The following CTH variants were observed in gnomAD, a reference collection of about 807,000 sequenced individuals.
CTH encodes cystathionine gamma-lyase.
A neutral mutation model predicts 50.6 loss-of-function variants in CTH; 41 were observed. The ratio of observed to expected loss-of-function variants is 0.81; its 90% confidence interval spans 0.63 to 1.05. The LOEUF is 1.05. Ranked by LOEUF, CTH falls within the 50% of genes least tolerant of loss-of-function variation. The pLI is 0.00. For missense variants in CTH, 470 were observed against 492.6 expected, an observed-to-expected ratio of 0.95 and a Z score of 0.43; for synonymous variants, 156 against 168.9, an observed-to-expected ratio of 0.92 and a Z score of 0.59.
At chr1:70,431,088 G>T (rs1160180697) in intron 7 of CTH, 2 of 152,040 alleles carry the variant, frequency 1.3e-5, no homozygotes, top group Non-Finnish European at 2.9e-5. Flanking sequence ...TGAGGCAGGA[G>T]GATTACCTGA....
At chr1:70,423,921 T>C (rs760808995) in intron 4 of CTH, among the ~76,000 whole-genome samples, 8 of 152,250 alleles carry the variant, frequency 5.3e-5, no homozygotes, top group Non-Finnish European at 1.2e-4. Context: ...ATCTATGTTA[T>C]TCATCTCTGA....
chr1:70,413,255 C>CT (rs1449641930), intron 1 of CTH, among the ~76,000 whole-genome samples: 5 of 147,964 alleles, frequency 3.4e-5, no homozygotes, highest in African/African-American at 1.3e-4. Context: ...CTCTTTCTTT[C>CT]TTTCTTTTTT....
chr1:70,430,368 A>T lies in CTH; in HGVS notation c.698A>T (p.His233Leu). Residue 233 changes from histidine to leucine, a missense_variant, in exon 7 of 12, where the codon CAT becomes CTT. By Grantham distance (99) the His-to-Leu change is moderately conservative. Transcript: ENST00000370938. The part of the protein sequence containing the change: ...GLVSVNCESL[H>L]NRLRFLQNSL... ...GTGTCTGTTAATTGTGAAAGCCTTC[A>T]TAATAGACTTCGTTTCTTGCAAAAC... 30 of 1,593,768 alleles carry T rather than the reference A, an allele frequency of 1.9e-5. No homozygotes were observed. The highest frequency in any genetic ancestry group is 2.5e-5 in the Non-Finnish European group (29 of 1,161,572).
chr1:70,411,324 T>C lies in CTH; in HGVS notation c.-92T>C, dbSNP rs548457503. The C allele has an allele frequency of 6.0e-6, 8 of 1,336,418 alleles. No homozygotes were observed. The highest frequency in any genetic ancestry group is 2.3e-5 in the East Asian group (1 of 43,540). The allele number at this position is 1,336,418 out of a possible 1,614,324, so 82.8% of individuals were successfully genotyped here. A position where few individuals can be genotyped will look rare whatever the true frequency, so the allele number is the denominator to read the frequency against. The stretch of plus-strand genomic sequence containing the variant: ...CTGCGTGCTTTAGCTCCTTCTCGCC[T>C]GATCCTTCTGTCTCTCCCAACCCCG... On this transcript the variant is annotated 5_prime_UTR_variant, in exon 1 of 12. Coordinates refer to ENST00000370938, the MANE Select transcript of CTH (RefSeq NM_001902.6).
At chr1:70,423,155 C>A (rs1684265259) in intron 4 of CTH, among the ~76,000 whole-genome samples, 3 of 151,834 alleles carry the variant, frequency 2.0e-5, no homozygotes, top group Admixed American at 1.3e-4. Context: ...TTTATAGATT[C>A]TTTAAATAAT....
At chr1:70,411,648 G>C in intron 1 of CTH, 65 bp downstream of exon 1, 1 of 1,571,006 alleles carries the variant, frequency 6.4e-7, no homozygotes, top group Non-Finnish European at 8.6e-7. Flanking sequence ...TTATGAATTT[G>C]AAAGGCATGT....
chr1:70,419,978 C>T (rs1684177556), intron 3 of CTH, among the ~76,000 whole-genome samples: 1 of 151,306 alleles, frequency 6.6e-6, no homozygotes, highest in Admixed American at 6.6e-5. Context: ...ACCTTTTTGG[C>T]ACCAGGGACC....
At chr1:70,437,252 C>T (rs1339373667) in intron 10 of CTH, among the ~76,000 whole-genome samples, 1 of 152,182 alleles carries the variant, frequency 6.6e-6, no homozygotes, top group Non-Finnish European at 1.5e-5. Flanking sequence ...TTCGTTCATA[C>T]TAAGTACCCA....
Position 70,411,669 on chromosome 1 carries a change from T to A in CTH, c.168+86T>A, listed in dbSNP as rs1572247504. 2.6e-6 allele frequency: 4 copies of A among 1,531,266 alleles called. No homozygotes were observed. The East Asian group carries it at 9.2e-5, about 35-fold the overall frequency. 94.9% of individuals were successfully genotyped at this position (1,531,266 alleles called of 1,614,324 possible). Reference sequence around the variant, plus strand: ...ATTTGAAAGGCATGTAAGTAATTTATAATATGACTTATAAATTAGGAAGGC... The same window carrying A: ...ATTTGAAAGGCATGTAAGTAATTTAAAATATGACTTATAAATTAGGAAGGC... On this transcript the variant is annotated intron_variant, in intron 1 of 11. Coordinates refer to ENST00000370938, the MANE Select transcript of CTH (RefSeq NM_001902.6).
At chr1:70,436,668 TAAA>T (rs35782843) in intron 10 of CTH, among the ~76,000 whole-genome samples, 3 of 143,714 alleles carry the variant, frequency 2.1e-5, no homozygotes, top group Non-Finnish European at 1.5e-5. Flanking sequence ...CTCACCAAGT[TAAA>T]AAAAAAAAAA....
chr1:70,430,530 G>T (rs1684442143), intron 7 of CTH, 136 bp downstream of exon 7: 5 of 575,950 alleles, frequency 8.7e-6, no homozygotes, highest in South Asian at 2.2e-5. Context: ...GAAAAATTCT[G>T]ATTTTTTTTA....
intron 4 of CTH, among the ~76,000 whole-genome samples, chr1:70,422,666 C>CA (rs1553126692): frequency 6.9e-6 from 1 of 144,622 alleles, no homozygotes; most frequent in Non-Finnish European, 1.5e-5. Flanking sequence ...GGCTGTAGTG[C>CA]AATGGCGCAA....
intron 3 of CTH, among the ~76,000 whole-genome samples, chr1:70,420,303 G>T (rs1684186579): frequency 6.6e-6 from 1 of 152,088 alleles, no homozygotes; most frequent in Non-Finnish European, 1.5e-5. Flanking sequence ...TCAGGGACTG[G>T]TTTTGTAGAA....
chr1:70,413,746 T>A (rs1204518331), intron 1 of CTH, among the ~76,000 whole-genome samples: 2 of 148,568 alleles, frequency 1.3e-5, no homozygotes, highest in African/African-American at 5.0e-5. Context: ...TATCTTTTTT[T>A]TTTTTTTTTT....
intron 11 of CTH, 30 bp downstream of exon 11, chr1:70,438,856 G>GTGTGTGTGTGTGTT: frequency 6.2e-7 from 1 of 1,612,278 alleles, no homozygotes; most frequent in South Asian, 1.1e-5. Context: ...GTGTGTGTGT[G>GTGTGTGTGTGTGTT]TGTGTGTGTG....
chr1:70,419,102 G>T (rs1684157907), intron 3 of CTH, among the ~76,000 whole-genome samples: 1 of 150,796 alleles, frequency 6.6e-6, no homozygotes, highest in African/African-American at 2.4e-5. Flanking sequence ...GTGATAGTTT[G>T]CTGAGAATGA....
intron 3 of CTH, among the ~76,000 whole-genome samples, chr1:70,418,480 G>A (rs1274826431): frequency 6.6e-6 from 1 of 152,118 alleles, no homozygotes; most frequent in Non-Finnish European, 1.5e-5. Flanking sequence ...GAACTCCTGA[G>A]CTCAAGTGAT....
intron 8 of CTH, 110 bp from the exon 9 acceptor site, chr1:70,433,718 T>C: frequency 1.3e-6 from 2 of 1,517,392 alleles, no homozygotes; most frequent in Non-Finnish European, 1.8e-6. Context: ...GGCATAATCC[T>C]CGTCTTAGGC....
At chr1:70,422,300 T>G (rs1313036874) in intron 4 of CTH, among the ~76,000 whole-genome samples, 1 of 152,098 alleles carries the variant, frequency 6.6e-6, no homozygotes, top group Non-Finnish European at 1.5e-5. Flanking sequence ...CGGAAGGTGT[T>G]TTGTGTCTGA....
Sources: gnomAD v4.1 joint callset for allele counts (sites outside exome capture counted in the v4.1 genomes callset) on GRCh38, gnomAD v4.1.1 for gene constraint, MANE v1.5 for transcripts, NCBI Gene and HGNC (gene_info 2026-07-23, HGNC 2026-07-21) for gene names.